The following KCNIP4 variants were observed in gnomAD, a reference collection of about 807,000 sequenced individuals.
The protein encoded by KCNIP4 is Kv channel-interacting protein 4.
KCNIP4 carries 12 observed loss-of-function variants against 34.0 expected under a neutral mutation model. That is an observed-to-expected ratio of 0.35 (90% CI 0.23 to 0.57). The LOEUF (loss-of-function observed/expected upper bound fraction) is 0.57. Among genes scored for constraint, KCNIP4 ranks in the 20% least tolerant of loss-of-function variants. The probability of loss-of-function intolerance (pLI) is 0.83; values close to 1 mark genes in which losing one functional copy is unlikely to be tolerated. For missense variants in KCNIP4, 238 were observed against 311.7 expected, an observed-to-expected ratio of 0.76 and a Z score of 1.78; for synonymous variants, 124 against 102.2, an observed-to-expected ratio of 1.21 and a Z score of -1.29.
chr4:21,197,972 A>T (rs1416377452), intron 1 of KCNIP4, among the ~76,000 whole-genome samples: 1 of 152,180 alleles, frequency 6.6e-6, no homozygotes, highest in Admixed American at 6.5e-5. Flanking sequence ...TAACAACTTC[A>T]TTTGAGGGGC....
intron 1 of KCNIP4, chr4:21,849,580 T>C (rs550740583): frequency 1.3e-5 from 2 of 152,266 alleles, no homozygotes; most frequent in South Asian, 4.1e-4. Context: ...TTGATCATCA[T>C]GTTTTATTTT....
intron 1 of KCNIP4, among the ~76,000 whole-genome samples, chr4:21,791,296 T>C (rs1281853555): frequency 6.6e-6 from 1 of 152,138 alleles, no homozygotes; most frequent in Admixed American, 6.6e-5. Context: ...CATGAGGGCT[T>C]CATCCTTATA....
At chr4:21,636,405 T>C (rs1376505840) in intron 1 of KCNIP4, among the ~76,000 whole-genome samples, 1 of 152,194 alleles carries the variant, frequency 6.6e-6, no homozygotes, top group Non-Finnish European at 1.5e-5. Flanking sequence ...CTAAAACTAT[T>C]ACTTGAAAAT....
intron 1 of KCNIP4, among the ~76,000 whole-genome samples, chr4:21,752,898 A>C (rs1423944312): frequency 6.6e-6 from 1 of 152,190 alleles, no homozygotes; most frequent in Admixed American, 6.6e-5. Flanking sequence ...TCACATGCAC[A>C]GTTATTTTTA....
Position 21,687,316 on chromosome 4 carries a change from T to TAATAA in KCNIP4, c.61+261254_61+261255insTTATT, listed in dbSNP as rs1383549262. Among the ~76,000 whole-genome samples the TAATAA allele has an allele frequency of 3.1e-3, 372 of 121,152 alleles. 1 individual carries two copies. The highest frequency in any genetic ancestry group is 9.3e-3 in the African/African-American group (295 of 31,766). 79.5% of individuals were successfully genotyped at this position (121,152 alleles called of 152,430 possible). A position where few individuals can be genotyped will look rare whatever the true frequency, so the allele number is the denominator to read the frequency against. On this transcript the variant is annotated intron_variant, in intron 1 of 8. Transcript: ENST00000382152. ...CACATATACCCTAAAACTTAAAGTA[T>TAATAA]AAAAAAAAAAAAAAAAGAAGTGATT...
chr4:20,949,895 T>G, intron 1 of KCNIP4, among the ~76,000 whole-genome samples: 1 of 146,970 alleles, frequency 6.8e-6, no homozygotes, highest in African/African-American at 2.5e-5. Context: ...CATTGGGAGA[T>G]ATACCTAATG....
intron 1 of KCNIP4, among the ~76,000 whole-genome samples, chr4:21,472,862 T>C (rs1170915443): frequency 6.6e-6 from 1 of 152,140 alleles, no homozygotes; most frequent in East Asian, 1.9e-4. Flanking sequence ...ATTATGAAGA[T>C]GAGAGTTAAT....
chr4:21,030,812 G>T (rs1367996147), intron 1 of KCNIP4, among the ~76,000 whole-genome samples: 1 of 152,188 alleles, frequency 6.6e-6, no homozygotes, highest in Non-Finnish European at 1.5e-5. Context: ...TTTAGAATTT[G>T]TGTAGCGGAA....
At chr4:21,266,874 G>T (rs2109121352) in intron 1 of KCNIP4, among the ~76,000 whole-genome samples, 1 of 152,290 alleles carries the variant, frequency 6.6e-6, no homozygotes. Flanking sequence ...AGAAGGACTG[G>T]AAAGCTACTA....
At chr4:21,354,690 G>A (rs144461750) in intron 1 of KCNIP4, among the ~76,000 whole-genome samples, 6,446 of 152,056 alleles carry the variant, frequency 0.042, 293 homozygotes, top group East Asian at 0.2. Flanking sequence ...TTCCCCCACA[G>A]TAATAATGGG....
chr4:21,340,820 T>C lies in KCNIP4; in HGVS notation c.62-458111A>G, dbSNP rs149697205. Reference sequence around the variant, plus strand: ...GTGGAAAGAAGCATTAGGTGGATTTTTCAGATTTGTCTCAACATGGCCAGC... The same window carrying C: ...GTGGAAAGAAGCATTAGGTGGATTTCTCAGATTTGTCTCAACATGGCCAGC... On this transcript the variant is annotated intron_variant, in intron 1 of 8. Coordinates refer to ENST00000382152, the MANE Select transcript of KCNIP4 (RefSeq NM_025221.6). Among the ~76,000 whole-genome samples the C allele has an allele frequency of 2.5e-3, 387 of 152,264 alleles. 1 individual carries two copies. The highest frequency in any genetic ancestry group is 8.9e-3 in the African/African-American group (371 of 41,544).
intron 1 of KCNIP4, among the ~76,000 whole-genome samples, chr4:21,191,579 C>T (rs1041059584): frequency 2.0e-5 from 3 of 152,142 alleles, no homozygotes; most frequent in Non-Finnish European, 4.4e-5. Flanking sequence ...GTTAGCAAGG[C>T]AATGAGGAGC....
chr4:21,897,454 T>G (rs1428833032), intron 1 of KCNIP4, among the ~76,000 whole-genome samples: 1 of 152,166 alleles, frequency 6.6e-6, no homozygotes, highest in East Asian at 1.9e-4. Flanking sequence ...GTAAATAGAT[T>G]TATGTAACAC....
chr4:20,788,933 A>T (rs903550191), intron 3 of KCNIP4, among the ~76,000 whole-genome samples: 1 of 152,180 alleles, frequency 6.6e-6, no homozygotes, highest in African/African-American at 2.4e-5. Flanking sequence ...GCTTGAGCTC[A>T]TGAGTAAAAG....
In KCNIP4 at chr4:20,877,813, G is replaced by A. The variant is rs139730244; in HGVS notation, c.163+4795C>T. Among the ~76,000 whole-genome samples, 418 of 152,136 alleles carry A rather than the reference G, an allele frequency of 2.7e-3. 4 individuals are homozygous for A. The highest frequency in any genetic ancestry group is 9.7e-3 in the African/African-American group (402 of 41,492). ...AGCGTATCTGTATCACTGGAGTAAG[G>A]TTCTTTTGGGTATAAGTTTTTGTTT... On this transcript the variant is annotated intron_variant, in intron 2 of 8. Transcript: ENST00000382152.
chr4:21,447,697 C>G (rs1728151219), intron 1 of KCNIP4, among the ~76,000 whole-genome samples: 1 of 152,070 alleles, frequency 6.6e-6, no homozygotes, highest in African/African-American at 2.4e-5. Context: ...ACACTGTAAT[C>G]AAATTTACAT....
At chr4:21,879,261 T>C (rs1291737623) in intron 1 of KCNIP4, among the ~76,000 whole-genome samples, 1 of 152,210 alleles carries the variant, frequency 6.6e-6, no homozygotes, top group African/African-American at 2.4e-5. Context: ...TTTCTAAGCA[T>C]AGTTGAACTC....
intron 2 of KCNIP4, among the ~76,000 whole-genome samples, chr4:20,875,695 G>A (rs1171201462): frequency 6.6e-6 from 1 of 152,016 alleles, no homozygotes. Context: ...GTTAGCATGA[G>A]ATTAATTAAC....
At chr4:20,993,027 C>CAAAAA (rs11416440) in intron 1 of KCNIP4, among the ~76,000 whole-genome samples, 51 of 42,026 alleles carry the variant, frequency 1.2e-3, no homozygotes, top group African/African-American at 3.6e-3. Context: ...GACTCCATCT[C>CAAAAA]AAAAAAAAAA....
Sources: allele counts gnomAD v4.1 joint callset (sites outside exome capture counted in the v4.1 genomes callset), GRCh38; gene constraint gnomAD v4.1.1; transcripts MANE v1.5; gene names NCBI Gene and HGNC (gene_info 2026-07-23, HGNC 2026-07-21).